AFF4: variants seen among roughly 807,000 people sequenced by gnomAD.
The protein encoded by AFF4 is AF4/FMR2 family member 4.
Under a neutral mutation model 124.8 loss-of-function variants are expected in AFF4, and 13 were observed. That is an observed-to-expected ratio of 0.10 (90% CI 0.07 to 0.17). The LOEUF is 0.17. Ranked by LOEUF, AFF4 falls within the 10% of genes least tolerant of loss-of-function variation. AFF4 has a pLI of 1.00. For synonymous variants in AFF4, 477 were observed against 496.1 expected (o/e 0.96, Z 0.51); for missense variants, 1,092 against 1,403.8 (o/e 0.78, Z 3.55).
chr5:132,959,039 T>C (rs1762021898), intron 1 of AFF4, among the ~76,000 whole-genome samples: 1 of 152,050 alleles, frequency 6.6e-6, no homozygotes, highest in Non-Finnish European at 1.5e-5. Flanking sequence ...TTTCCTTGCC[T>C]AAAAGCCACC....
intron 20 of AFF4, among the ~76,000 whole-genome samples, chr5:132,882,502 T>C (rs925483580): frequency 5.9e-5 from 9 of 152,194 alleles, no homozygotes; most frequent in African/African-American, 2.2e-4. Context: ...TCCATGTCCT[T>C]GGTTTGGGAA....
At chr5:132,945,299 C>G (rs1375565476) in intron 1 of AFF4, 2 of 152,216 alleles carry the variant, frequency 1.3e-5, no homozygotes, top group African/African-American at 4.8e-5. Context: ...AACCAAGAAT[C>G]TGTCTCAGAA....
At position 132,896,795 on chromosome 5, in the gene AFF4, T is replaced by C. The variant is rs145031583; in HGVS notation, c.1835A>G (p.Asn612Ser). The C allele has an allele frequency of 5.4e-5, 87 of 1,614,160 alleles. No individual in the cohort carries two copies. The highest frequency in any genetic ancestry group is 1.3e-4 in the Admixed American group (8 of 60,006). ...GGAAGACTTAGACTCCTTCTTTATA[T>C]TGGGTTTCCTTGAGCCTTTGGTGGC... The part of the protein sequence containing the change: ...KAATKGSRKP[N>S]IKKESKSSPR... Residue 612 changes from asparagine to serine, a missense_variant, in exon 11 of 21, where the codon AAT (asparagine) becomes AGT (serine). Around this residue, in one of 11 missense-constraint regions of AFF4, gnomAD observed 174 missense variants for 205.9 expected, o/e 0.84. Coordinates refer to ENST00000265343, the MANE Select transcript of AFF4 (RefSeq NM_014423.4).
At chr5:132,938,094 A>C in intron 1 of AFF4, among the ~76,000 whole-genome samples, 1 of 151,010 alleles carries the variant, frequency 6.6e-6, no homozygotes. Flanking sequence ...AAATAATCAG[A>C]CCTGGTTTTG....
At chr5:132,942,708 C>G (rs1246401561) in intron 1 of AFF4, among the ~76,000 whole-genome samples, 1 of 152,204 alleles carries the variant, frequency 6.6e-6, no homozygotes, top group Non-Finnish European at 1.5e-5. Context: ...AGGTGATCCA[C>G]CCACCTCGGC....
Position 132,896,827 on chromosome 5 carries a change from G to T in AFF4, c.1803C>A (p.His601Gln), listed in dbSNP as rs771927113. 6 of 1,613,896 alleles carry T rather than the reference G, an allele frequency of 3.7e-6. No individual in the cohort carries two copies. In the African/African-American group the frequency reaches 6.7e-5, roughly 18 times the overall value. The part of the protein sequence containing the change: ...DLASSMPSSR[H>Q]KAATKGSRKP... ...TCCTTGAGCCTTTGGTGGCTGCTTT[G>T]TGTCTGCTGGAGGGCATGCTGCTAG... is the stretch of plus-strand genomic sequence containing the variant. The change falls in exon 11 of 21, where the codon CAC (histidine) becomes CAA (glutamine). Residue 601 changes from histidine (H) to glutamine (Q), a missense_variant. Physicochemically the swap from His to Gln is conservative, Grantham distance 24. Around this residue, in one of 11 missense-constraint regions of AFF4, gnomAD observed 174 missense variants for 205.9 expected, o/e 0.84. Transcript: ENST00000265343.
chr5:132,915,494 C>A (rs1760888170), intron 5 of AFF4, among the ~76,000 whole-genome samples: 1 of 151,470 alleles, frequency 6.6e-6, no homozygotes, highest in Non-Finnish European at 1.5e-5. Flanking sequence ...CAGGGTTAAA[C>A]AGAATTCTGG....
In AFF4 at chr5:132,926,149, T is replaced by G. The variant is rs1415611975; in HGVS notation, c.1050+972A>C. 6 of 363,444 alleles carry G rather than the reference T, an allele frequency of 1.7e-5. 1 individual carries two copies. Among genetic ancestry groups the G allele is most frequent in the Middle Eastern group, 3.9e-4 (1 of 2,552 alleles). 22.5% of individuals were successfully genotyped at this position (363,444 alleles called of 1,614,324 possible). A position where few individuals can be genotyped will look rare whatever the true frequency, so the allele number is the denominator to read the frequency against. Reference sequence around the variant, plus strand: ...AACAATATATTTGCGTAGAAATAAATAAGAAAATGCTTACATGTAATGATT... The same window carrying G: ...AACAATATATTTGCGTAGAAATAAAGAAGAAAATGCTTACATGTAATGATT... On this transcript the variant is annotated intron_variant, in intron 5 of 20. Coordinates refer to ENST00000265343, the MANE Select transcript of AFF4 (RefSeq NM_014423.4).
At chr5:132,949,876 T>G (rs1345081644) in intron 1 of AFF4, among the ~76,000 whole-genome samples, 7 of 148,814 alleles carry the variant, frequency 4.7e-5, no homozygotes, top group South Asian at 2.1e-4. Context: ...AAGTAAAAAT[T>G]AGCCAGGAAA....
At chr5:132,958,652 T>C (rs539451706) in intron 1 of AFF4, among the ~76,000 whole-genome samples, 6 of 152,108 alleles carry the variant, frequency 3.9e-5, no homozygotes, top group Admixed American at 1.3e-4. Context: ...AATATTCCAA[T>C]TGGAAGAAAT....
rs957640237 is a variant in AFF4 at position 132,879,990 on chromosome 5, A to C, written c.*1069T>G. 9.7e-5 allele frequency: 37 copies of C among 381,148 alleles called. No homozygotes were observed. The highest frequency in any genetic ancestry group is 1.6e-4 in the Non-Finnish European group (35 of 214,982). The allele number at this position is 381,148 out of a possible 1,614,324, so 23.6% of individuals were successfully genotyped here. A position where few individuals can be genotyped will look rare whatever the true frequency, so the allele number is the denominator to read the frequency against. On this transcript the variant is annotated 3_prime_UTR_variant, in exon 21 of 21. Coordinates refer to ENST00000265343, the MANE Select transcript of AFF4 (RefSeq NM_014423.4). ...AGCTGTATAGCAAAAGCACACACCG[A>C]AGCTCCAGCCTATTTCTGTATCAGT... is the stretch of plus-strand genomic sequence containing the variant.
chr5:132,932,023 A>G (rs1382036763), intron 4 of AFF4, among the ~76,000 whole-genome samples, 155 bp downstream of exon 4: 1 of 152,216 alleles, frequency 6.6e-6, no homozygotes, highest in Non-Finnish European at 1.5e-5. Context: ...TAAACAAAGA[A>G]GAGAGTAAAT....
At chr5:132,957,034 A>AC (rs1761978725) in intron 1 of AFF4, among the ~76,000 whole-genome samples, 1 of 147,936 alleles carries the variant, frequency 6.8e-6, no homozygotes, top group Non-Finnish European at 1.5e-5. Context: ...AAAAAAAAAA[A>AC]AAAAAAAAAA....
Position 132,892,316 on chromosome 5 carries a change from C to G in AFF4, c.2485G>C (p.Gly829Arg), listed in dbSNP as rs763295786. The G allele has an allele frequency of 3.1e-6, 5 of 1,614,112 alleles. No homozygotes were observed. The Admixed American group carries it at 5.0e-5, about 16-fold the overall frequency. Residue 829 changes from glycine (G) to arginine (R), a missense_variant, in exon 13 of 21, where the codon GGC becomes CGC. Coordinates refer to ENST00000265343, the MANE Select transcript of AFF4 (RefSeq NM_014423.4). ...TGACTAATAGTCCTCTTCCGAGAGC[C>G]ATGCTCTGTTTTTGGATCTTTTGAA... ...VPSKDPKTEH[G>R]SRKRTISQSS... is the part of the protein sequence containing the mutation.
intron 14 of AFF4, among the ~76,000 whole-genome samples, chr5:132,888,728 C>T (rs1482538658): frequency 4.0e-5 from 6 of 151,244 alleles, no homozygotes; most frequent in Non-Finnish European, 5.9e-5. Flanking sequence ...GACGGAGTCT[C>T]GCTCTGTTGC....
intron 7 of AFF4, 42 bp from the exon 8 acceptor site, chr5:132,899,683 T>C (rs767143373): frequency 1.8e-5 from 27 of 1,541,650 alleles, no homozygotes; most frequent in Non-Finnish European, 2.3e-5. Context: ...TGGAACAGTT[T>C]ACATGGTATG....
At chr5:132,926,101 C>T (rs115914262) in intron 5 of AFF4, 3,528 of 228,258 alleles carry the variant, frequency 0.015, 35 homozygotes, top group Non-Finnish European at 0.022. Flanking sequence ...CCAAGACCTA[C>T]TGCTGACTGA....
intron 1 of AFF4, among the ~76,000 whole-genome samples, chr5:132,962,126 G>C (rs1198111846): frequency 6.6e-6 from 1 of 152,166 alleles, no homozygotes; most frequent in African/African-American, 2.4e-5. Flanking sequence ...CCCAAATTAA[G>C]AAAGTTCTCA....
chr5:132,936,803 T>G (rs1761442914), intron 2 of AFF4, among the ~76,000 whole-genome samples: 1 of 152,184 alleles, frequency 6.6e-6, no homozygotes. Flanking sequence ...AATGCTCTAT[T>G]TCTTGATCTG....
Sources: allele counts gnomAD v4.1 joint callset (sites outside exome capture counted in the v4.1 genomes callset), GRCh38; gene constraint gnomAD v4.1.1; regional missense constraint gnomAD v4.1.1; transcripts MANE v1.5; gene names NCBI Gene and HGNC (gene_info 2026-07-23, HGNC 2026-07-21).